Variants in VWA2 observed in about 807,000 individuals in gnomAD.
VWA2 encodes von Willebrand factor A domain-containing protein 2.
In VWA2, 73 loss-of-function variants were observed where a neutral mutation model predicts 70.4. The observed-to-expected ratio is 1.04, with a 90% CI of 0.86 to 1.26. VWA2 has a LOEUF of 1.26. Among genes scored for constraint, VWA2 ranks in the 50% most tolerant of loss-of-function variants. The pLI, the probability that VWA2 is intolerant of heterozygous loss-of-function variation, is 0.00. For missense variants in VWA2, 1,011 were observed against 998.5 expected (o/e 1.01, Z -0.17); for synonymous variants, 407 against 423.3 (o/e 0.96, Z 0.47).
chr10:114,258,345 G>A (rs2037374319), intron 4 of VWA2, among the ~76,000 whole-genome samples: 1 of 152,102 alleles, frequency 6.6e-6, no homozygotes, highest in Non-Finnish European at 1.5e-5. Context: ...TTGTTAAGGT[G>A]GATTTAAGGT....
intron 2 of VWA2, 115 bp downstream of exon 2, chr10:114,248,880 C>G: frequency 2.1e-6 from 2 of 960,700 alleles, no homozygotes; most frequent in Non-Finnish European, 3.4e-6. Flanking sequence ...CCTGCATCTC[C>G]CCTCCATGGC....
chr10:114,275,660 G>A (rs2037825962), intron 6 of VWA2, among the ~76,000 whole-genome samples: 2 of 152,218 alleles, frequency 1.3e-5, no homozygotes, highest in African/African-American at 4.8e-5. Context: ...GGGCATGGTG[G>A]CTCACGCCTG....
intron 2 of VWA2, among the ~76,000 whole-genome samples, chr10:114,252,267 T>C (rs2037212639): frequency 6.6e-6 from 1 of 152,192 alleles, no homozygotes; most frequent in South Asian, 2.1e-4. Flanking sequence ...CCAGACCTAA[T>C]GAGAGAGATT....
chr10:114,277,888 C>T (rs1417256620), intron 6 of VWA2, 26 bp from the exon 7 acceptor site: 2 of 1,588,660 alleles, frequency 1.3e-6, no homozygotes, highest in Non-Finnish European at 1.7e-6. Flanking sequence ...TATAGGACCA[C>T]AAGCTGTTAC....
intron 4 of VWA2, among the ~76,000 whole-genome samples, chr10:114,259,143 T>C (rs2037389792): frequency 6.6e-6 from 1 of 152,230 alleles, no homozygotes; most frequent in South Asian, 2.1e-4. Flanking sequence ...TGTACCAATT[T>C]ACATTTCTAC....
rs1384812825 is a variant in VWA2, at chr10:114,272,938, A to G, written c.566+4A>G. On this transcript the variant is annotated splice_donor_region_variant and intron_variant, in intron 6 of 13. Coordinates refer to ENST00000392982, the MANE Select transcript of VWA2 (RefSeq NM_001272046.2). ...CTGTGGGGGTCAGGTTTCCCAGGTA[A>G]GAGCCTCAGTCACCCTGGATCAGCC... 6.2e-7 allele frequency: 1 copy of G among 1,607,338 alleles called. No homozygotes were observed. Among genetic ancestry groups the G allele is most frequent in the Non-Finnish European group, 8.5e-7 (1 of 1,176,516 alleles).
At chr10:114,285,038 T>G in intron 10 of VWA2, 68 bp downstream of exon 10, 1 of 1,267,784 alleles carries the variant, frequency 7.9e-7, no homozygotes, top group Non-Finnish European at 1.1e-6. Flanking sequence ...CCCCTTTTCA[T>G]TGCACGCCCT....
chr10:114,281,993 A>G (rs1346314058), intron 8 of VWA2, among the ~76,000 whole-genome samples: 2 of 147,692 alleles, frequency 1.4e-5, no homozygotes, highest in African/African-American at 2.5e-5. Context: ...CCTAATTTCA[A>G]ATGTGATAGC....
intron 1 of VWA2, among the ~76,000 whole-genome samples, chr10:114,244,576 T>C (rs932110587): frequency 2.6e-5 from 4 of 152,110 alleles, no homozygotes; most frequent in Non-Finnish European, 5.9e-5. Context: ...GGCAGGCACA[T>C]AAGAAATGCT....
intron 5 of VWA2, among the ~76,000 whole-genome samples, chr10:114,263,636 C>T (rs910964449): frequency 8.5e-5 from 13 of 152,142 alleles, no homozygotes; most frequent in South Asian, 2.1e-4. Context: ...CGTGCCTGGC[C>T]GAATCTGCAC....
intron 1 of VWA2, among the ~76,000 whole-genome samples, chr10:114,244,171 AGCT>A (rs746094085): frequency 4.1e-4 from 62 of 152,314 alleles, no homozygotes; most frequent in Middle Eastern, 6.8e-3. Flanking sequence ...GGAGTGTGAG[AGCT>A]GCTGGCAGGT....
chr10:114,286,326 C>A lies in VWA2; in HGVS notation c.1385C>A (p.Ala462Glu), dbSNP rs200547974. ...GAGTCACACTCCGAGGATGAGGTTG[C>A]GGGCCCAGCGCGTCACGCAAGGGCG... ...LTESHSEDEV[A>E]GPARHARARE... Residue 462 changes from alanine to glutamate, a missense_variant, in exon 11 of 14, where the codon GCG (alanine) becomes GAG (glutamate). By Grantham distance (107) the Ala-to-Glu change is moderately radical. Transcript: ENST00000392982. 6 of 1,612,152 alleles carry A rather than the reference C, an allele frequency of 3.7e-6. No individual in the cohort carries two copies. In the Admixed American group the frequency reaches 8.3e-5, roughly 22 times the overall value.
At chr10:114,263,261 T>C (rs2037483928) in intron 5 of VWA2, among the ~76,000 whole-genome samples, 2 of 151,572 alleles carry the variant, frequency 1.3e-5, no homozygotes, top group African/African-American at 4.8e-5. Context: ...GCAATCCACC[T>C]GTCTTGCCCT....
At chr10:114,259,412 T>C (rs1255018955) in intron 4 of VWA2, among the ~76,000 whole-genome samples, 2 of 152,100 alleles carry the variant, frequency 1.3e-5, no homozygotes, top group Non-Finnish European at 2.9e-5. Flanking sequence ...TTGCACATAA[T>C]TTTTCCATTT....
At chr10:114,273,803 C>T (rs557054498) in intron 6 of VWA2, among the ~76,000 whole-genome samples, 1 of 152,252 alleles carries the variant, frequency 6.6e-6, no homozygotes, top group Admixed American at 6.5e-5. Flanking sequence ...TACAAAGTCC[C>T]TGCCCTCATG....
In VWA2 at chr10:114,289,094, GCAGC is replaced by G. The variant is rs1185067249; in HGVS notation, c.1731_1734del (p.Ser577ArgfsTer27). The G allele has an allele frequency of 1.2e-6, 2 of 1,614,032 alleles. No homozygotes were observed. The highest frequency in any genetic ancestry group is 2.7e-5 in the African/African-American group (2 of 74,934). On this transcript the variant is annotated frameshift_variant, in exon 12 of 14. Coordinates refer to ENST00000392982, the MANE Select transcript of VWA2 (RefSeq NM_001272046.2). LOFTEE classifies it high-confidence loss of function. The stretch of plus-strand genomic sequence containing the variant: ...ACACAGGTCGGCCTGGTGGTGTATG[GCAGC>G]CAGGTGCAGACTGCCTTCGGGCTGG...
At chr10:114,276,863 G>A (rs1047087179) in intron 6 of VWA2, among the ~76,000 whole-genome samples, 1 of 152,008 alleles carries the variant, frequency 6.6e-6, no homozygotes, top group South Asian at 2.1e-4. Flanking sequence ...CTCAGCTCTG[G>A]CTCAGCATCT....
rs763209869 is a variant in VWA2, at chr10:114,293,240, C to G, written c.*2003C>G. 3.9e-5 allele frequency among the ~76,000 whole-genome samples: 6 copies of G among 152,316 alleles called. No homozygotes were observed. Among genetic ancestry groups the G allele is most frequent in the Non-Finnish European group, 8.8e-5 (6 of 68,032 alleles). On this transcript the variant is annotated 3_prime_UTR_variant, in exon 14 of 14. Transcript: ENST00000392982. Reference sequence around the variant, plus strand: ...TGCTGCCCTTCACAGAAGACAACGTCCGGGGCAGGATCACATGCTCCCTAG... The same window carrying G: ...TGCTGCCCTTCACAGAAGACAACGTGCGGGGCAGGATCACATGCTCCCTAG...
In VWA2 at chr10:114,247,663, CAAA is replaced by C. The variant is rs527665370; in HGVS notation, c.-10-1032_-10-1030del. Among the ~76,000 whole-genome samples, 3 of 141,184 alleles carry C rather than the reference CAAA, an allele frequency of 2.1e-5. No homozygotes were observed. The South Asian group carries it at 7.3e-4, about 34-fold the overall frequency. The allele number at this position is 141,184 out of a possible 152,430, so 92.6% of individuals were successfully genotyped here. A position where few individuals can be genotyped will look rare whatever the true frequency, so the allele number is the denominator to read the frequency against. ...ACTTTAAATATGCAAATAACTATGT[CAAA>C]AAAAAAAACAAAACGGAGCTGGATG... On this transcript the variant is annotated intron_variant, in intron 1 of 13. Coordinates refer to ENST00000392982, the MANE Select transcript of VWA2 (RefSeq NM_001272046.2).
Sources: gnomAD v4.1 joint callset for allele counts (sites outside exome capture counted in the v4.1 genomes callset) on GRCh38, gnomAD v4.1.1 for gene constraint, MANE v1.5 for transcripts, NCBI Gene and HGNC (gene_info 2026-07-23, HGNC 2026-07-21) for gene names.